Variants in ADPRHL1 observed in about 807,000 individuals in gnomAD.
ADPRHL1 encodes ADP-ribosylhydrolase like 1.
ADPRHL1 carries 43 observed loss-of-function variants against 44.1 expected under a neutral mutation model. That is an observed-to-expected ratio of 0.98 (90% CI 0.76 to 1.26). ADPRHL1 has a LOEUF of 1.26. ADPRHL1 is among the 50% of genes most tolerant of loss of function. ADPRHL1 has a pLI of 0.00. For synonymous variants in ADPRHL1, 878 were observed against 1,017.4 expected, an observed-to-expected ratio of 0.86 and a Z score of 2.61; for missense variants, 2,022 against 2,496.9, an observed-to-expected ratio of 0.81 and a Z score of 4.05.
rs541454527 is a variant in ADPRHL1 at position 113,431,271 on chromosome 13, C to T, written c.506-2179G>A. 5.1e-4 allele frequency among the ~76,000 whole-genome samples: 78 copies of T among 152,288 alleles called. 1 individual carries two copies. Among genetic ancestry groups the T allele is most frequent in the East Asian group, 3.9e-4 (2 of 5,170 alleles). ...AAGCCCAGGCTGGGCCCACGGTGAA[C>T]GGCCACTCAACACGGCCGCTACATG... On this transcript the variant is annotated intron_variant, in intron 3 of 7. Transcript: ENST00000612156.
At position 113,404,507 on chromosome 13, in the gene ADPRHL1, ATC is replaced by A; in HGVS notation, c.4773_4774del (p.Gln1591HisfsTer232). The stretch of plus-strand genomic sequence containing the variant: ...AACCTGTTTCTGGGCCTGTCCCTGA[ATC>A]TGCCCCTGAGCCCATTTCTGGGCCT... On this transcript the variant is annotated frameshift_variant, in exon 8 of 8. Transcript: ENST00000612156. LOFTEE classifies it low-confidence loss of function (END_TRUNC). The A allele has an allele frequency of 7.9e-7, 1 of 1,268,944 alleles. No individual in the cohort carries two copies. The highest frequency in any genetic ancestry group is 3.2e-5 in the East Asian group (1 of 31,208). The allele number at this position is 1,268,944 out of a possible 1,614,324, so 78.6% of individuals were successfully genotyped here.
chr13:113,411,113 A>T (rs753928754), intron 7 of ADPRHL1, among the ~76,000 whole-genome samples: 2 of 152,208 alleles, frequency 1.3e-5, no homozygotes, highest in Non-Finnish European at 2.9e-5. Context: ...TGTGACGTCA[A>T]TCCGCCCCTT....
rs1174928473 is a variant in ADPRHL1 at position 113,405,586 on chromosome 13, T to C, written c.3696A>G (p.Thr1232=). Residue 1232 remains threonine, a synonymous_variant, in exon 8 of 8, where the codon ACA becomes ACG. Coordinates refer to ENST00000612156, the MANE Select transcript of ADPRHL1 (RefSeq NM_001394807.1). ...PEAARLYISN[T]SAASRHTAAV... ...CTGCTGTATGTCTGCTGGCTGCTGATGTGTTTGAAATGTATAATCGGGCCG... is the reference window on the plus strand; with the variant it reads ...CTGCTGTATGTCTGCTGGCTGCTGACGTGTTTGAAATGTATAATCGGGCCG... The C allele has an allele frequency of 8.1e-7, 1 of 1,231,470 alleles. No homozygotes were observed. The allele number at this position is 1,231,470 out of a possible 1,614,324, so 76.3% of individuals were successfully genotyped here.
Position 113,453,272 on chromosome 13 carries a change from T to C in ADPRHL1, c.166A>G (p.Ser56Gly). ...GCGATGTGCATGATGGTGTTGTCAC[T>C]CACGGGCCATTCTCCTGGCGAGAGT... is the stretch of plus-strand genomic sequence containing the variant. ...LVLSPGEWPVSDNTIMHIATA... is the reference protein window; with the variant it reads ...LVLSPGEWPVGDNTIMHIATA... The change falls in exon 1 of 8, where the codon AGT becomes GGT. Residue 56 changes from serine (S) to glycine (G), a missense_variant. Physicochemically the swap from Ser to Gly is moderately conservative, Grantham distance 56. Transcript: ENST00000612156. The surrounding 1 kb of genome is among the most constrained non-coding windows in gnomAD (Gnocchi z 5.4). 1 of 1,614,112 alleles carries C rather than the reference T, an allele frequency of 6.2e-7. No individual in the cohort carries two copies. Among genetic ancestry groups the C allele is most frequent in the Admixed American group, 1.7e-5 (1 of 59,998 alleles).
Position 113,441,994 on chromosome 13 carries a change from T to A in ADPRHL1, c.379+2431A>T, listed in dbSNP as rs1454072645. ...TCCGCGTCTCTATCACGCTGTGTCC[T>A]GTGGCGCGGGTCTCTGTTTGCATCC... On this transcript the variant is annotated intron_variant, in intron 2 of 7. Transcript: ENST00000612156. This position sits in a 1 kb window ranked among gnomAD's most constrained non-coding sequence, Gnocchi z 6.0. 1.3e-5 allele frequency among the ~76,000 whole-genome samples: 2 copies of A among 152,282 alleles called. No homozygotes were observed. Among genetic ancestry groups the A allele is most frequent in the African/African-American group, 2.4e-5 (1 of 41,484 alleles).
rs1367987862 is a variant in ADPRHL1 at position 113,400,357 on chromosome 13, G to GA, written c.*3020dup. 1 of 151,472 alleles carries GA rather than the reference G, an allele frequency of 6.6e-6. No homozygotes were observed. The highest frequency in any genetic ancestry group is 2.4e-5 in the African/African-American group (1 of 41,326). The allele number at this position is 151,472 out of a possible 1,614,324, so 9.4% of individuals were successfully genotyped here. On this transcript the variant is annotated 3_prime_UTR_variant, in exon 8 of 8. Transcript: ENST00000612156. Reference sequence around the variant, plus strand: ...GACAGGGTTTCACTGTGTTAGCCAGGATGGTCTTGATCTCCTGACCTCGTG... The same window carrying GA: ...GACAGGGTTTCACTGTGTTAGCCAGGAATGGTCTTGATCTCCTGACCTCGTG...
intron 7 of ADPRHL1, among the ~76,000 whole-genome samples, chr13:113,410,267 C>A (rs983923908): frequency 6.6e-6 from 1 of 152,178 alleles, no homozygotes; most frequent in Non-Finnish European, 1.5e-5. Context: ...CGCCCCCAAA[C>A]CCCGGTGGGC....
Position 113,404,537 on chromosome 13 carries a change from C to G in ADPRHL1, c.4745G>C (p.Gly1582Ala). 2.3e-6 allele frequency: 3 copies of G among 1,302,824 alleles called. No homozygotes were observed. The highest frequency in any genetic ancestry group is 2.9e-6 in the Non-Finnish European group (3 of 1,031,354). The allele number at this position is 1,302,824 out of a possible 1,614,324, so 80.7% of individuals were successfully genotyped here. The change falls in exon 8 of 8, where the codon GGA (glycine) becomes GCA (alanine). Residue 1582 changes from glycine to alanine, a missense_variant. Gly to Ala is a moderately conservative substitution (Grantham distance 60, BLOSUM62 0). This residue lies in a region of ADPRHL1 where 78 missense variants were observed against 76.5 expected (regional missense o/e 1.02). Coordinates refer to ENST00000612156, the MANE Select transcript of ADPRHL1 (RefSeq NM_001394807.1). Reference sequence around the variant, plus strand: ...CCCCTGAGCCCATTTCTGGGCCTGTCCCTGAACCTGTCCCTGGGCCCCACC... The same window carrying G: ...CCCCTGAGCCCATTTCTGGGCCTGTGCCTGAACCTGTCCCTGGGCCCCACC... Reference protein sequence around the residue: ...AQGGAQGQVQGQAQKWAQGQI... With the variant: ...AQGGAQGQVQAQAQKWAQGQI...
At chr13:113,410,238 G>T in intron 7 of ADPRHL1, 8 of 631,488 alleles carry the variant, frequency 1.3e-5, no homozygotes, top group Non-Finnish European at 1.6e-5. Context: ...GTGAGTTCAC[G>T]TGGAGAGAGT....
chr13:113,444,581 A>G lies in ADPRHL1; in HGVS notation c.223T>C (p.Cys75Arg). ...TAEALTTDYW[C>R]LDDLYREMVR... ...ATCTCCCGGTACAGATCATCCAGGC[A>G]CCAGTAGTCTGCGGAAGAAAGGGAG... Residue 75 changes from cysteine to arginine, a missense_variant, in exon 2 of 8, where the codon TGC becomes CGC. Physicochemically the swap from Cys to Arg is radical, Grantham distance 180 (BLOSUM62 -3). Coordinates refer to ENST00000612156, the MANE Select transcript of ADPRHL1 (RefSeq NM_001394807.1). The G allele has an allele frequency of 6.2e-7, 1 of 1,613,650 alleles. No homozygotes were observed. The highest frequency in any genetic ancestry group is 8.5e-7 in the Non-Finnish European group (1 of 1,179,662).
chr13:113,402,915 C>T lies in ADPRHL1; in HGVS notation c.*463G>A, dbSNP rs34635582. On this transcript the variant is annotated 3_prime_UTR_variant, in exon 8 of 8. Transcript: ENST00000612156. The stretch of plus-strand genomic sequence containing the variant: ...GGGCCCATGGATGGTGGGTGCCATG[C>T]GGCCACGTCAGAGCAGGGCATGGTG... The T allele has an allele frequency of 0.32, 48,343 of 152,890 alleles. 7,913 individuals are homozygous for T. Among genetic ancestry groups the T allele is most frequent in the Middle Eastern group, 0.42 (127 of 300 alleles). The allele number at this position is 152,890 out of a possible 1,614,324, so 9.5% of individuals were successfully genotyped here. A position where few individuals can be genotyped will look rare whatever the true frequency, so the allele number is the denominator to read the frequency against.
At chr13:113,412,802 CAACA>C (rs1348452539) in intron 7 of ADPRHL1, among the ~76,000 whole-genome samples, 37 of 96,560 alleles carry the variant, frequency 3.8e-4, no homozygotes, top group African/African-American at 1.2e-3. Context: ...CACCCACCGC[CAACA>C]GCACCCCGCA....
In ADPRHL1 at chr13:113,441,534, C is replaced by T. The variant is rs929416964; in HGVS notation, c.379+2891G>A. Among the ~76,000 whole-genome samples, 1 of 152,178 alleles carries T rather than the reference C, an allele frequency of 6.6e-6. No individual in the cohort carries two copies. Among genetic ancestry groups the T allele is most frequent in the African/African-American group, 2.4e-5 (1 of 41,424 alleles). On this transcript the variant is annotated intron_variant, in intron 2 of 7. Coordinates refer to ENST00000612156, the MANE Select transcript of ADPRHL1 (RefSeq NM_001394807.1). The surrounding 1 kb of genome is among the most constrained non-coding windows in gnomAD (Gnocchi z 6.0). ...CACCGTCATCGGCTTCCATCTCTCCCCTGCTAGCCTTCGTGCTATTGTTGT... is the reference window on the plus strand; with the variant it reads ...CACCGTCATCGGCTTCCATCTCTCCTCTGCTAGCCTTCGTGCTATTGTTGT...
At position 113,403,753 on chromosome 13, in the gene ADPRHL1, G is replaced by C. The variant is rs2043781473; in HGVS notation, c.5529C>G (p.Pro1843=). The C allele has an allele frequency of 8.1e-7, 1 of 1,232,748 alleles. No individual in the cohort carries two copies. The highest frequency in any genetic ancestry group is 3.1e-4 in the Middle Eastern group (1 of 3,214). The allele number at this position is 1,232,748 out of a possible 1,614,324, so 76.4% of individuals were successfully genotyped here. A position where few individuals can be genotyped will look rare whatever the true frequency, so the allele number is the denominator to read the frequency against. Residue 1843 remains proline, a synonymous_variant, in exon 8 of 8, where the codon CCC becomes CCG. Coordinates refer to ENST00000612156, the MANE Select transcript of ADPRHL1 (RefSeq NM_001394807.1). The stretch of plus-strand genomic sequence containing the variant: ...TGCCCCCTGACTGTCCACCATCCCT[G>C]GGGGCTGGGCTTCTGGACCCCCCAC... The part of the protein sequence containing the change: ...GRSGGSRSPA[P]RDGGQSGGSG...
chr13:113,437,740 G>A (rs922652069), intron 2 of ADPRHL1, among the ~76,000 whole-genome samples: 4 of 152,194 alleles, frequency 2.6e-5, no homozygotes, highest in African/African-American at 9.7e-5. Context: ...GGGGCTCTGA[G>A]CATGAGGCAC....
rs2044118546 is a variant in ADPRHL1, at chr13:113,444,116, C to G, written c.379+309G>C. On this transcript the variant is annotated intron_variant, in intron 2 of 7. Coordinates refer to ENST00000612156, the MANE Select transcript of ADPRHL1 (RefSeq NM_001394807.1). ...TGGCTGGGCTGACCAGGAGGGGCCCCTGCCCGTATTCCTTAAACAGACGCC... is the reference window on the plus strand; with the variant it reads ...TGGCTGGGCTGACCAGGAGGGGCCCGTGCCCGTATTCCTTAAACAGACGCC... Among the ~76,000 whole-genome samples, 3 of 152,178 alleles carry G rather than the reference C, an allele frequency of 2.0e-5. No individual in the cohort carries two copies. The South Asian group carries it at 6.2e-4, about 32-fold the overall frequency.
In ADPRHL1 at chr13:113,407,315, G is replaced by A; in HGVS notation, c.1967C>T (p.Pro656Leu). The A allele has an allele frequency of 2.4e-6, 3 of 1,232,048 alleles. No homozygotes were observed. The highest frequency in any genetic ancestry group is 3.0e-6 in the Non-Finnish European group (3 of 988,046). 76.3% of individuals were successfully genotyped at this position (1,232,048 alleles called of 1,614,324 possible). ...GGGCCCCGTCTCCCTGGCACTAGGG[G>A]GCACGCTGGCTTCTCCTCTGGGTGG... is the stretch of plus-strand genomic sequence containing the variant. The part of the protein sequence containing the change: ...RRPPRGEASV[P>L]PSARETGPSG... Residue 656 changes from proline to leucine, a missense_variant, in exon 8 of 8, where the codon CCC becomes CTC. Coordinates refer to ENST00000612156, the MANE Select transcript of ADPRHL1 (RefSeq NM_001394807.1).
chr13:113,442,006 C>T (rs1318122703), intron 2 of ADPRHL1, among the ~76,000 whole-genome samples: 2 of 152,268 alleles, frequency 1.3e-5, no homozygotes, highest in Non-Finnish European at 1.5e-5. Context: ...TGGCGCGGGT[C>T]TCTGTTTGCA....
intron 7 of ADPRHL1, among the ~76,000 whole-genome samples, chr13:113,420,082 C>T (rs1000896378): frequency 6.6e-6 from 1 of 152,154 alleles, no homozygotes; most frequent in Non-Finnish European, 1.5e-5. Context: ...CCCCACACGC[C>T]GCCTTTAACA....
Sources: allele counts gnomAD v4.1 joint callset (sites outside exome capture counted in the v4.1 genomes callset), GRCh38; gene constraint gnomAD v4.1.1; regional missense constraint gnomAD v4.1.1; non-coding constraint Gnocchi (gnomAD v3.1); transcripts MANE v1.5; gene names NCBI Gene and HGNC (gene_info 2026-07-23, HGNC 2026-07-21).